BOLL: variants seen among roughly 807,000 people sequenced by gnomAD.
BOLL encodes the protein protein boule-like.
Under a neutral mutation model 44.4 loss-of-function variants are expected in BOLL, and 23 were observed. The observed-to-expected ratio is 0.52, with a 90% confidence interval of 0.37 to 0.73. BOLL has a LOEUF of 0.73. Ranked by LOEUF, BOLL falls within the 30% of genes least tolerant of loss-of-function variation. BOLL has a pLI of 0.00. For missense variants in BOLL, 287 were observed against 338.3 expected (o/e 0.85, Z 1.19); for synonymous variants, 97 against 110.8 (o/e 0.88, Z 0.78).
At position 197,737,945 on chromosome 2, in the gene BOLL, C is replaced by T. The variant is rs528807680; in HGVS notation, c.828+5116G>A. Among the ~76,000 whole-genome samples, 10 of 152,170 alleles carry T rather than the reference C, an allele frequency of 6.6e-5. No individual in the cohort carries two copies. In the South Asian group the frequency reaches 1.7e-3, roughly 25 times the overall value. On this transcript the variant is annotated intron_variant, in intron 10 of 10. Transcript: ENST00000392296. Reference sequence around the variant, plus strand: ...ATCCTTAATAGCCATATGTTTTCATCGATTGTTAGTAGACATGGGAGTTAA... The same window carrying T: ...ATCCTTAATAGCCATATGTTTTCATTGATTGTTAGTAGACATGGGAGTTAA...
At chr2:197,728,615 G>A (rs367931331) in intron 10 of BOLL, 37 bp from the exon 11 acceptor site, 139 of 1,422,266 alleles carry the variant, frequency 9.8e-5, no homozygotes, top group Non-Finnish European at 1.3e-4. Context: ...CAGGAAGACT[G>A]AATGGAAAAA....
intron 1 of BOLL, among the ~76,000 whole-genome samples, chr2:197,783,700 T>C (rs1467435789): frequency 2.6e-5 from 4 of 152,226 alleles, no homozygotes; most frequent in Non-Finnish European, 5.9e-5. Context: ...TGGAGGTTAT[T>C]TGTGACTTCA....
intron 9 of BOLL, among the ~76,000 whole-genome samples, chr2:197,755,717 G>A (rs1169649797): frequency 1.3e-5 from 2 of 152,130 alleles, no homozygotes; most frequent in Non-Finnish European, 2.9e-5. Flanking sequence ...ACACAGGGAG[G>A]GGCACAACAC....
chr2:197,777,712 A>G (rs182794408), intron 3 of BOLL, among the ~76,000 whole-genome samples: 91 of 152,018 alleles, frequency 6.0e-4, no homozygotes, highest in African/African-American at 2.0e-3. Context: ...AGATACAAAT[A>G]CACATAAATG....
chr2:197,775,763 T>A, intron 4 of BOLL, 23 bp from the exon 5 acceptor site: 1 of 1,328,310 alleles, frequency 7.5e-7, no homozygotes, highest in Non-Finnish European at 1.0e-6. Context: ...AAAAAGAAAT[T>A]ATTTTATTAT....
intron 9 of BOLL, among the ~76,000 whole-genome samples, chr2:197,746,671 G>A (rs1460424637): frequency 1.3e-5 from 2 of 152,136 alleles, no homozygotes; most frequent in Non-Finnish European, 2.9e-5. Context: ...GGAGGCCGAG[G>A]CAGGCGGATC....
chr2:197,732,900 C>T (rs1432657108), intron 10 of BOLL, among the ~76,000 whole-genome samples: 1 of 146,462 alleles, frequency 6.8e-6, no homozygotes. Flanking sequence ...AAAACTGGCA[C>T]AAGACGGGGA....
rs1330335001 is a variant in BOLL, at chr2:197,776,992, C to T, written c.276+67G>A. 5.7e-6 allele frequency: 7 copies of T among 1,236,594 alleles called. No homozygotes were observed. The Middle Eastern group carries it at 5.7e-4, about 101-fold the overall frequency. The allele number at this position is 1,236,594 out of a possible 1,614,324, so 76.6% of individuals were successfully genotyped here. A position where few individuals can be genotyped will look rare whatever the true frequency, so the allele number is the denominator to read the frequency against. ...AAAGCAGTTGATTATTGTATTTGAA[C>T]CCCGAAAAGATTAGTTTCAAATACA... On this transcript the variant is annotated intron_variant, in intron 4 of 10. Coordinates refer to ENST00000392296, the MANE Select transcript of BOLL (RefSeq NM_033030.6).
chr2:197,748,625 C>T (rs558282124), intron 9 of BOLL, among the ~76,000 whole-genome samples: 23 of 152,348 alleles, frequency 1.5e-4, no homozygotes, highest in Middle Eastern at 6.8e-3. Context: ...CTGGGAAGTT[C>T]GGACTGGGCA....
intron 7 of BOLL, among the ~76,000 whole-genome samples, chr2:197,760,144 G>A (rs1688688411): frequency 6.6e-6 from 1 of 152,132 alleles, no homozygotes; most frequent in African/African-American, 2.4e-5. Flanking sequence ...CCCTGTGCCT[G>A]CATTCTGGGC....
At chr2:197,769,836 C>T (rs1689157668) in intron 6 of BOLL, among the ~76,000 whole-genome samples, 1 of 152,064 alleles carries the variant, frequency 6.6e-6, no homozygotes, top group South Asian at 2.1e-4. Flanking sequence ...AACCACTGCT[C>T]AACGAAATAA....
rs1163644764 is a variant in BOLL at position 197,743,261 on chromosome 2, A to C, written c.730-102T>G. ...CTAATCATCTAGCTATACAATGTAG[A>C]AACAGTTAAAAACACATGCCCTTAT... On this transcript the variant is annotated intron_variant, in intron 9 of 10. Transcript: ENST00000392296. The C allele has an allele frequency of 4.4e-6, 3 of 683,538 alleles. No individual in the cohort carries two copies. The Admixed American group carries it at 1.2e-4, about 26-fold the overall frequency. The allele number at this position is 683,538 out of a possible 1,614,324, so 42.3% of individuals were successfully genotyped here. A position where few individuals can be genotyped will look rare whatever the true frequency, so the allele number is the denominator to read the frequency against.
rs747476396 is a variant in BOLL, at chr2:197,771,985, A to G, written c.353-3T>C. The G allele has an allele frequency of 6.4e-7, 1 of 1,556,968 alleles. No individual in the cohort carries two copies. The highest frequency in any genetic ancestry group is 8.7e-7 in the Non-Finnish European group (1 of 1,146,274). ...AGCTGCTGGCATTATACTAGAACCT[A>G]AAGCAAAGATTAAATAATAATAATT... On this transcript the variant is annotated splice_region_variant and splice_polypyrimidine_tract_variant and intron_variant, in intron 5 of 10. Transcript: ENST00000392296.
At chr2:197,759,047 G>T in intron 7 of BOLL, 2 of 1,463,602 alleles carry the variant, frequency 1.4e-6, no homozygotes, top group South Asian at 2.4e-5. Context: ...CAAGATGGCT[G>T]ACCAGAGATG....
intron 6 of BOLL, among the ~76,000 whole-genome samples, chr2:197,771,645 G>A (rs147424882): frequency 6.6e-6 from 1 of 151,988 alleles, no homozygotes; most frequent in African/African-American, 2.4e-5. Context: ...GTAAGGAAGT[G>A]GGGGTAAGGA....
At chr2:197,756,598 T>C in intron 8 of BOLL, 42 bp from the exon 9 acceptor site, 1 of 1,528,956 alleles carries the variant, frequency 6.5e-7, no homozygotes, top group Non-Finnish European at 8.9e-7. Context: ...TATGATTAGT[T>C]ATTTCTGTTA....
At chr2:197,737,118 T>A (rs926537705) in intron 10 of BOLL, among the ~76,000 whole-genome samples, 4 of 151,818 alleles carry the variant, frequency 2.6e-5, no homozygotes, top group African/African-American at 7.3e-5. Context: ...AATTGTTTCT[T>A]AAAGATCTAT....
At chr2:197,738,965 A>T (rs1285545099) in intron 10 of BOLL, among the ~76,000 whole-genome samples, 15 of 152,200 alleles carry the variant, frequency 9.9e-5, no homozygotes, top group Admixed American at 9.8e-4. Context: ...AAATGAAAAT[A>T]GATAATTTGC....
chr2:197,754,261 T>C (rs1172011303), intron 9 of BOLL, among the ~76,000 whole-genome samples: 1 of 152,144 alleles, frequency 6.6e-6, no homozygotes, highest in African/African-American at 2.4e-5. Context: ...GTTCTGCATA[T>C]GTATCCCAGA....
Sources: gnomAD v4.1 joint callset for allele counts (sites outside exome capture counted in the v4.1 genomes callset) on GRCh38, gnomAD v4.1.1 for gene constraint, MANE v1.5 for transcripts, NCBI Gene and HGNC (gene_info 2026-07-23, HGNC 2026-07-21) for gene names.